The following PLD1 variants were observed in gnomAD, a reference collection of about 807,000 sequenced individuals.
The protein encoded by PLD1 is phospholipase D1, also known as choline phosphatase 1.
PLD1 carries 112 observed loss-of-function variants against 137.1 expected under a neutral mutation model. The observed-to-expected ratio is 0.82, with a 90% confidence interval of 0.70 to 0.96. The LOEUF (loss-of-function observed/expected upper bound fraction) is 0.96. Ranked by LOEUF, PLD1 falls within the 40% of genes least tolerant of loss-of-function variation. The pLI, the probability that PLD1 is intolerant of heterozygous loss-of-function variation, is 0.00. For synonymous variants in PLD1, 431 were observed against 454.7 expected (o/e 0.95, Z 0.66); for missense variants, 1,321 against 1,342.0 (o/e 0.98, Z 0.24).
chr3:171,712,652 G>A (rs187653849), intron 9 of PLD1, among the ~76,000 whole-genome samples: 133 of 152,218 alleles, frequency 8.7e-4, no homozygotes, highest in African/African-American at 3.0e-3. Flanking sequence ...TCATGGGGGG[G>A]ATCTTACACC....
At chr3:171,793,384 T>A (rs1243334163) in intron 1 of PLD1, 1 of 152,218 alleles carries the variant, frequency 6.6e-6, no homozygotes, top group African/African-American at 2.4e-5. Context: ...CAATAAATTA[T>A]ATTAAAGCAA....
At chr3:171,797,688 G>A (rs1438322476) in intron 1 of PLD1, among the ~76,000 whole-genome samples, 1 of 152,060 alleles carries the variant, frequency 6.6e-6, no homozygotes, top group Non-Finnish European at 1.5e-5. Context: ...ATATTTTTAA[G>A]TAAGCAGCTT....
intron 1 of PLD1, among the ~76,000 whole-genome samples, chr3:171,794,561 G>A (rs982296901): frequency 2.0e-5 from 3 of 152,022 alleles, no homozygotes; most frequent in Admixed American, 1.3e-4. Flanking sequence ...TAATCACATC[G>A]TTTCTGTTTT....
chr3:171,783,389 T>C (rs1722870565), intron 1 of PLD1, among the ~76,000 whole-genome samples: 1 of 151,818 alleles, frequency 6.6e-6, no homozygotes, highest in Non-Finnish European at 1.5e-5. Context: ...GAGAGGCAAG[T>C]AGAGTAACCA....
At chr3:171,686,565 C>T (rs969106944) in intron 16 of PLD1, 120 bp downstream of exon 16, 30 of 658,352 alleles carry the variant, frequency 4.6e-5, no homozygotes, top group South Asian at 9.7e-5. Flanking sequence ...CAATAATATA[C>T]GTAGCATAAA....
chr3:171,703,337 G>A (rs1482633870), intron 11 of PLD1, among the ~76,000 whole-genome samples: 1 of 152,114 alleles, frequency 6.6e-6, no homozygotes, highest in Non-Finnish European at 1.5e-5. Context: ...ACTAGCCAAT[G>A]CAACAAGGCA....
chr3:171,709,502 C>T, intron 10 of PLD1, 58 bp downstream of exon 10: 3 of 1,444,410 alleles, frequency 2.1e-6, no homozygotes, highest in South Asian at 1.2e-5. Flanking sequence ...TGAATTTAGG[C>T]CAGTGTAATA....
chr3:171,765,799 A>G (rs1324500043), intron 1 of PLD1, among the ~76,000 whole-genome samples: 2 of 152,202 alleles, frequency 1.3e-5, no homozygotes, highest in Non-Finnish European at 2.9e-5. Flanking sequence ...TCACATCATC[A>G]ACTGCGTTTA....
chr3:171,609,960 T>G (rs1251971876), intron 25 of PLD1, among the ~76,000 whole-genome samples: 4 of 152,106 alleles, frequency 2.6e-5, no homozygotes, highest in African/African-American at 7.2e-5. Context: ...ACAAATAAAC[T>G]AGGCAATTTA....
chr3:171,653,846 T>A (rs1736983339), intron 21 of PLD1: 1 of 178,040 alleles, frequency 5.6e-6, no homozygotes, highest in Non-Finnish European at 1.2e-5. Context: ...GATAATATTA[T>A]TCGTGGTTGG....
Position 171,659,235 on chromosome 3 carries a change from G to A in PLD1, c.2407C>T (p.Gln803Ter). The A allele has an allele frequency of 3.1e-6, 5 of 1,612,482 alleles. No homozygotes were observed. Among genetic ancestry groups the A allele is most frequent in the Non-Finnish European group, 4.2e-6 (5 of 1,178,504 alleles). Reference protein sequence around the residue: ...VFNKIGDAIAQRILKAHRENQ... With the variant: ...VFNKIGDAIA ...TACCTGTGAGCTTTCAGGATCCTCT[G>A]GGCAATGGCATCGCCTATCTTGTTG... The change falls in exon 21 of 27, where the codon CAG becomes TAG. Residue 803 changes from glutamine (Q) to a stop codon, truncating the protein, a stop_gained. Transcript: ENST00000351298. LOFTEE classifies it high-confidence loss of function.
intron 1 of PLD1, among the ~76,000 whole-genome samples, chr3:171,766,928 A>T (rs1468052534): frequency 6.6e-6 from 1 of 152,230 alleles, no homozygotes; most frequent in Non-Finnish European, 1.5e-5. Context: ...ATTGGGTAGA[A>T]GTTATTTGCC....
At chr3:171,784,632 C>G (rs769750063) in intron 1 of PLD1, among the ~76,000 whole-genome samples, 1 of 152,186 alleles carries the variant, frequency 6.6e-6, no homozygotes, top group Non-Finnish European at 1.5e-5. Flanking sequence ...GTTCCCTCCC[C>G]TGGATCACCA....
chr3:171,670,684 G>GTCC (rs1421867494), intron 19 of PLD1, among the ~76,000 whole-genome samples: 1 of 152,060 alleles, frequency 6.6e-6, no homozygotes. Flanking sequence ...TTTAATTTTT[G>GTCC]TCCTATTTAT....
rs141972932 is a variant in PLD1, at chr3:171,686,725, C to T, written c.1827G>A (p.Pro609=). Residue 609 remains proline, a synonymous_variant, in exon 16 of 27, where the codon CCG becomes CCA. Coordinates refer to ENST00000351298, the MANE Select transcript of PLD1 (RefSeq NM_002662.5). ...GLKPHFKLFH[P]SSESEQGLTR... Reference sequence around the variant, plus strand: ...TGAGTCCTTGCTCAGACTCACTGGACGGGTGAAAGAGTTTGAAGTGGGGTT... The same window carrying T: ...TGAGTCCTTGCTCAGACTCACTGGATGGGTGAAAGAGTTTGAAGTGGGGTT... 1.7e-5 allele frequency: 27 copies of T among 1,608,514 alleles called. No individual in the cohort carries two copies. The highest frequency in any genetic ancestry group is 2.7e-5 in the African/African-American group (2 of 74,710).
chr3:171,738,968 C>T (rs528791933), intron 1 of PLD1, among the ~76,000 whole-genome samples: 1 of 152,290 alleles, frequency 6.6e-6, no homozygotes, highest in East Asian at 1.9e-4. Flanking sequence ...GAAGGACGCT[C>T]ATACCAGTAA....
Position 171,612,946 on chromosome 3 carries a change from T to C in PLD1, c.2729-514A>G, listed in dbSNP as rs1167884972. 6.6e-6 allele frequency among the ~76,000 whole-genome samples: 1 copy of C among 152,154 alleles called. No homozygotes were observed. Among genetic ancestry groups the C allele is most frequent in the Non-Finnish European group, 1.5e-5 (1 of 68,022 alleles). ...GCTTTGAGAGGCCAAGGCAGGAGGA[T>C]CGCTTAAAGCCAGGAGTTTGAGACC... is the stretch of plus-strand genomic sequence containing the variant. On this transcript the variant is annotated intron_variant, in intron 24 of 26. Transcript: ENST00000351298. The surrounding 1 kb of genome is among the most constrained non-coding windows in gnomAD (Gnocchi z 4.1).
At chr3:171,704,467 A>AC (rs1716510064) in intron 11 of PLD1, among the ~76,000 whole-genome samples, 2 of 151,238 alleles carry the variant, frequency 1.3e-5, no homozygotes, top group African/African-American at 2.4e-5. Flanking sequence ...GGAAAAAAAA[A>AC]AAAAAAAAAA....
At chr3:171,712,525 A>T (rs1717344694) in intron 9 of PLD1, among the ~76,000 whole-genome samples, 1 of 152,180 alleles carries the variant, frequency 6.6e-6, no homozygotes, top group South Asian at 2.1e-4. Context: ...AAGAGGCAAG[A>T]AAAAAATGCT....
Sources: allele counts gnomAD v4.1 joint callset (sites outside exome capture counted in the v4.1 genomes callset), GRCh38; gene constraint gnomAD v4.1.1; non-coding constraint Gnocchi (gnomAD v3.1); transcripts MANE v1.5; gene names NCBI Gene and HGNC (gene_info 2026-07-23, HGNC 2026-07-21).